Variants in PCDHGB4 observed in about 807,000 individuals in gnomAD.
The protein encoded by PCDHGB4 is protocadherin gamma subfamily B, 4, also known as protocadherin gamma-B4.
PCDHGB4 carries 38 observed loss-of-function variants against 60.5 expected under a neutral mutation model. The ratio of observed to expected loss-of-function variants is 0.63; its 90% CI spans 0.48 to 0.82. The LOEUF is 0.82. Ranked by LOEUF, PCDHGB4 falls within the 40% of genes least tolerant of loss-of-function variation. PCDHGB4 has a pLI of 0.00. For synonymous variants in PCDHGB4, 456 were observed against 509.7 expected, an observed-to-expected ratio of 0.89 and a Z score of 1.42; for missense variants, 1,109 against 1,209.6, an observed-to-expected ratio of 0.92 and a Z score of 1.23.
chr5:141,476,850 A>C lies in PCDHGB4; in HGVS notation c.2398-17957A>C, dbSNP rs747333239. Reference sequence around the variant, plus strand: ...GCGAATGACAATGCGCCTGTCTTCAACCAGTCCTTGTACCGGGCGCGCGTC... The same window carrying C: ...GCGAATGACAATGCGCCTGTCTTCACCCAGTCCTTGTACCGGGCGCGCGTC... On this transcript the variant is annotated intron_variant, in intron 1 of 3. Transcript: ENST00000519479. The surrounding 1 kb of genome is among the most constrained non-coding windows in gnomAD (Gnocchi z 7.6). The C allele has an allele frequency of 5.6e-6, 9 of 1,613,718 alleles. No individual in the cohort carries two copies. Among genetic ancestry groups the C allele is most frequent in the Non-Finnish European group, 7.6e-6 (9 of 1,180,054 alleles).
At chr5:141,415,740 G>GTTTTTGTTTTTTTTTT (rs2095911468) in intron 1 of PCDHGB4, 1 of 515,998 alleles carries the variant, frequency 1.9e-6, no homozygotes, top group Non-Finnish European at 2.6e-6. Context: ...GTTTATTAAG[G>GTTTTTGTTTTTTTTTT]TTTTTTTTTT....
intron 1 of PCDHGB4, chr5:141,418,309 G>A (rs756375907): frequency 6.2e-7 from 1 of 1,614,008 alleles, no homozygotes; most frequent in South Asian, 1.1e-5. Flanking sequence ...GCCTGGGGAT[G>A]GGAACAATTC....
intron 1 of PCDHGB4, among the ~76,000 whole-genome samples, chr5:141,436,594 G>T (rs79477223): frequency 0.052 from 7,980 of 152,210 alleles, 223 homozygotes; most frequent in South Asian, 0.079. Flanking sequence ...AAAGGTCGTG[G>T]TGATGGCTAG....
chr5:141,421,251 G>C (rs771398829), intron 1 of PCDHGB4: 1 of 1,606,888 alleles, frequency 6.2e-7, no homozygotes, highest in Non-Finnish European at 8.5e-7. Context: ...TACAGCGCGG[G>C]GACCGCAGTC....
chr5:141,461,027 C>G (rs993151622), intron 1 of PCDHGB4, among the ~76,000 whole-genome samples: 2 of 150,168 alleles, frequency 1.3e-5, no homozygotes, highest in Non-Finnish European at 3.0e-5. Flanking sequence ...TTTTCTTTAT[C>G]CACTCATTAG....
chr5:141,476,229 C>A lies in PCDHGB4; in HGVS notation c.2398-18578C>A, dbSNP rs761790915. The A allele has an allele frequency of 1.9e-6, 3 of 1,613,872 alleles. No homozygotes were observed. The South Asian group carries it at 3.3e-5, about 18-fold the overall frequency. ...TCCACGGTCATTCACTATGAGATCC[C>A]GGAGGAAAGAGAGAAGGGTTTCGCT... On this transcript the variant is annotated intron_variant, in intron 1 of 3. Transcript: ENST00000519479. This position sits in a 1 kb window ranked among gnomAD's most constrained non-coding sequence, Gnocchi z 7.6.
At chr5:141,421,520 A>G (rs749034718) in intron 1 of PCDHGB4, 2 of 1,614,068 alleles carry the variant, frequency 1.2e-6, no homozygotes, top group Non-Finnish European at 8.5e-7. Flanking sequence ...GAGCTCTGTG[A>G]GACGGTGTCC....
chr5:141,463,438 CTTTTTTTTTTTTTTT>C (rs71576115), intron 1 of PCDHGB4, among the ~76,000 whole-genome samples: 7 of 103,256 alleles, frequency 6.8e-5, no homozygotes, highest in African/African-American at 3.1e-4. Flanking sequence ...TTTCCTTCTC[CTTTTTTTTTTTTTTT>C]TTTTTTTTTT....
chr5:141,467,572 G>A (rs1351985954), intron 1 of PCDHGB4, among the ~76,000 whole-genome samples: 1 of 152,184 alleles, frequency 6.6e-6, no homozygotes, highest in African/African-American at 2.4e-5. Flanking sequence ...TGGCTATCCA[G>A]TTGTCCCAAT....
At chr5:141,402,398 ATTG>A (rs1159125909) in intron 1 of PCDHGB4, among the ~76,000 whole-genome samples, 19 of 152,216 alleles carry the variant, frequency 1.2e-4, no homozygotes, top group African/African-American at 4.6e-4. Context: ...ACTTCAGAAA[ATTG>A]TTAAGATACA....
Position 141,491,663 on chromosome 5 carries a change from T to G in PCDHGB4, c.2398-3144T>G, listed in dbSNP as rs895604632. ...GCTCTGGCGCTGGAGCCTGACGCCA[T>G]CCGGTCCCGCTCTAATACGCTGCGG... On this transcript the variant is annotated intron_variant, in intron 1 of 3. Coordinates refer to ENST00000519479, the MANE Select transcript of PCDHGB4 (RefSeq NM_003736.4). The surrounding 1 kb of genome is among the most constrained non-coding windows in gnomAD (Gnocchi z 6.9). The G allele has an allele frequency of 3.1e-6, 5 of 1,613,650 alleles. No homozygotes were observed. Among genetic ancestry groups the G allele is most frequent in the Non-Finnish European group, 4.2e-6 (5 of 1,180,014 alleles).
intron 1 of PCDHGB4, chr5:141,405,078 T>G: frequency 6.2e-7 from 1 of 1,613,888 alleles, no homozygotes; most frequent in Non-Finnish European, 8.5e-7. Flanking sequence ...ACCTTCGTTA[T>G]CACGCTGCTG....
At chr5:141,410,004 ACGCCTGGCTGTC>A in intron 1 of PCDHGB4, 1 of 1,613,154 alleles carries the variant, frequency 6.2e-7, no homozygotes, top group Non-Finnish European at 8.5e-7. Flanking sequence ...TCGGGACACA[ACGCCTGGCTGTC>A]CTACCACGTG....
chr5:141,460,388 G>T (rs1425099375), intron 1 of PCDHGB4, among the ~76,000 whole-genome samples: 1 of 151,774 alleles, frequency 6.6e-6, no homozygotes, highest in East Asian at 1.9e-4. Context: ...TTATAATTTG[G>T]TCTATGAATC....
chr5:141,505,803 C>T (rs920849273), intron 3 of PCDHGB4, among the ~76,000 whole-genome samples: 29 of 152,116 alleles, frequency 1.9e-4, no homozygotes, highest in African/African-American at 6.5e-4. Flanking sequence ...GGACTTGGAT[C>T]GACTTGCTCA....
intron 3 of PCDHGB4, among the ~76,000 whole-genome samples, chr5:141,510,591 A>G (rs1050708244): frequency 6.6e-6 from 1 of 152,176 alleles, no homozygotes; most frequent in Non-Finnish European, 1.5e-5. Flanking sequence ...TACCTGACAT[A>G]CATTTTCTTA....
At chr5:141,419,762 A>G in intron 1 of PCDHGB4, 1 of 1,614,008 alleles carries the variant, frequency 6.2e-7, no homozygotes, top group Non-Finnish European at 8.5e-7. Context: ...TTTGGGTGAC[A>G]AGGACTCGGT....
chr5:141,475,852 G>A, intron 1 of PCDHGB4: 1 of 467,402 alleles, frequency 2.1e-6, no homozygotes, highest in East Asian at 3.7e-5. Context: ...AGAGCCCGGC[G>A]CTAGCTCATT....
chr5:141,490,476 G>A lies in PCDHGB4; in HGVS notation c.2398-4331G>A. 1 of 1,614,208 alleles carries A rather than the reference G, an allele frequency of 6.2e-7. No homozygotes were observed. The highest frequency in any genetic ancestry group is 8.5e-7 in the Non-Finnish European group (1 of 1,180,046). On this transcript the variant is annotated intron_variant, in intron 1 of 3. Transcript: ENST00000519479. The surrounding 1 kb of genome is among the most constrained non-coding windows in gnomAD (Gnocchi z 5.4). ...ACTCGCTGCTAACCAGCCAGCCTTT[G>A]GACCGGGAGGCCACATCCCACTATA...
Sources: gnomAD v4.1 joint callset for allele counts (sites outside exome capture counted in the v4.1 genomes callset) on GRCh38, gnomAD v4.1.1 for gene constraint, Gnocchi (gnomAD v3.1) non-coding constraint, MANE v1.5 for transcripts, NCBI Gene and HGNC (gene_info 2026-07-23, HGNC 2026-07-21) for gene names.